ABCE1: variants seen among roughly 807,000 people sequenced by gnomAD.
ABCE1 encodes the protein ATP-binding cassette sub-family E member 1.
ABCE1 carries 22 observed loss-of-function variants against 83.4 expected under a neutral mutation model. The ratio of observed to expected loss-of-function variants is 0.26; its 90% CI spans 0.19 to 0.38. The LOEUF is 0.38. ABCE1 is among the 10% of genes least tolerant of loss of function. The pLI is 1.00. For missense variants in ABCE1, 330 were observed against 721.9 expected (o/e 0.46, Z 6.22); for synonymous variants, 204 against 233.7 (o/e 0.87, Z 1.16).
chr4:145,107,307 G>T (rs1749335970), intron 3 of ABCE1, among the ~76,000 whole-genome samples: 1 of 152,036 alleles, frequency 6.6e-6, no homozygotes, highest in Non-Finnish European at 1.5e-5. Context: ...CCCAAAAAAG[G>T]ATAAGATCCA....
At chr4:145,101,553 G>A (rs888566617) in intron 1 of ABCE1, among the ~76,000 whole-genome samples, 6 of 152,168 alleles carry the variant, frequency 3.9e-5, no homozygotes, top group Admixed American at 3.9e-4. Flanking sequence ...ACTGTTGAGG[G>A]TTAGAGTAGA....
At chr4:145,119,817 C>A in intron 10 of ABCE1, 115 bp from the exon 11 acceptor site, 1 of 704,212 alleles carries the variant, frequency 1.4e-6, no homozygotes. Flanking sequence ...TGCAGACCAA[C>A]ATGTTAGCAA....
At chr4:145,110,471 AAT>A (rs764683421) in intron 7 of ABCE1, 27 bp downstream of exon 7, 24 of 1,595,584 alleles carry the variant, frequency 1.5e-5, no homozygotes, top group East Asian at 2.2e-5. Context: ...TGTTTGTGTG[AAT>A]ATATATTTAT....
intron 1 of ABCE1, 82 bp from the exon 2 acceptor site, chr4:145,104,304 C>T: frequency 2.0e-6 from 1 of 500,490 alleles, no homozygotes; most frequent in South Asian, 4.4e-5. Context: ...ATATAATGAT[C>T]ATTTATGTTT....
In ABCE1 at chr4:145,119,927, A is replaced by G. The variant is rs774081988; in HGVS notation, c.923-5A>G. The stretch of plus-strand genomic sequence containing the variant: ...TCTCCCGGTTGACAATTTTCTTCCC[A>G]ACAGGCATAAACATTTTTTTGGATG... On this transcript the variant is annotated splice_region_variant and splice_polypyrimidine_tract_variant and intron_variant, in intron 10 of 17. Coordinates refer to ENST00000296577, the MANE Select transcript of ABCE1 (RefSeq NM_002940.3). 1.1e-5 allele frequency: 17 copies of G among 1,608,226 alleles called. No homozygotes were observed. In the Admixed American group the frequency reaches 2.9e-4, roughly 27 times the overall value.
chr4:145,117,436 A>C (rs1180020641), intron 10 of ABCE1, 22 bp downstream of exon 10: 2 of 1,607,062 alleles, frequency 1.2e-6, no homozygotes, highest in East Asian at 4.5e-5. Flanking sequence ...AACTTTTTTC[A>C]CATATGCTGT....
At chr4:145,117,069 T>C (rs1749626846) in intron 9 of ABCE1, among the ~76,000 whole-genome samples, 1 of 151,946 alleles carries the variant, frequency 6.6e-6, no homozygotes, top group Non-Finnish European at 1.5e-5. Flanking sequence ...TGCATTTAAT[T>C]CATATATCAA....
intron 4 of ABCE1, among the ~76,000 whole-genome samples, chr4:145,108,535 G>A (rs1579211966): frequency 6.6e-6 from 1 of 152,274 alleles, no homozygotes; most frequent in African/African-American, 2.4e-5. Flanking sequence ...TTTGAATTTG[G>A]ACATGTATTA....
chr4:145,112,431 T>C, intron 9 of ABCE1, 103 bp downstream of exon 9: 1 of 840,782 alleles, frequency 1.2e-6, no homozygotes, highest in Non-Finnish European at 1.8e-6. Context: ...ACATATTTTT[T>C]ATCTTGGTTG....
At chr4:145,099,307 A>G (rs1405594284) in intron 1 of ABCE1, among the ~76,000 whole-genome samples, 19 of 152,028 alleles carry the variant, frequency 1.2e-4, no homozygotes, top group Admixed American at 1.2e-3. Flanking sequence ...TCCAAATAAC[A>G]TGTTTTATTT....
At chr4:145,107,933 T>TA in intron 3 of ABCE1, 82 bp from the exon 4 acceptor site, 1 of 1,056,948 alleles carries the variant, frequency 9.5e-7, no homozygotes, top group Non-Finnish European at 1.4e-6. Flanking sequence ...AGATTGCTTA[T>TA]AAAAATATTT....
At chr4:145,114,234 C>T (rs1749554593) in intron 9 of ABCE1, among the ~76,000 whole-genome samples, 1 of 151,994 alleles carries the variant, frequency 6.6e-6, no homozygotes, top group Non-Finnish European at 1.5e-5. Flanking sequence ...AAAATACAGT[C>T]CCAGTATTCA....
chr4:145,118,768 T>C (rs935210865), intron 10 of ABCE1, among the ~76,000 whole-genome samples: 1 of 151,882 alleles, frequency 6.6e-6, no homozygotes, highest in Admixed American at 6.6e-5. Flanking sequence ...CTTTAATATA[T>C]TGAAATCAGT....
At chr4:145,109,327 T>A (rs895502068) in intron 5 of ABCE1, 78 bp downstream of exon 5, 40 of 706,264 alleles carry the variant, frequency 5.7e-5, no homozygotes, top group Non-Finnish European at 8.9e-5. Flanking sequence ...TGTATATTTT[T>A]AAAATATTCT....
chr4:145,123,423 C>CA, intron 15 of ABCE1, 55 bp from the exon 16 acceptor site: 1 of 1,587,924 alleles, frequency 6.3e-7, no homozygotes, highest in South Asian at 1.1e-5. Context: ...CTTAATATAA[C>CA]AGTCGAATGT....
chr4:145,103,059 G>A (rs1749195517), intron 1 of ABCE1, among the ~76,000 whole-genome samples: 2 of 152,084 alleles, frequency 1.3e-5, no homozygotes, highest in East Asian at 1.9e-4. Flanking sequence ...GAATGAAAGG[G>A]AGTGATCTGG....
At chr4:145,119,495 C>A (rs1196859162) in intron 10 of ABCE1, among the ~76,000 whole-genome samples, 1 of 151,668 alleles carries the variant, frequency 6.6e-6, no homozygotes, top group African/African-American at 2.4e-5. Flanking sequence ...TAAATTATAA[C>A]CTCAAAATAT....
Position 145,110,427 on chromosome 4 carries a change from T to C in ABCE1, c.596T>C (p.Ile199Thr). ...AAAGATGAAACAAAGACACAGGCAA[T>C]TGTATGTCAGCAGCTTGGTAAGTGT... ...DRKDETKTQA[I>T]VCQQLDLTHL... The change falls in exon 7 of 18, where the codon ATT becomes ACT. Residue 199 changes from isoleucine to threonine, a missense_variant. Coordinates refer to ENST00000296577, the MANE Select transcript of ABCE1 (RefSeq NM_002940.3). 1 of 1,612,008 alleles carries C rather than the reference T, an allele frequency of 6.2e-7. No homozygotes were observed. The highest frequency in any genetic ancestry group is 1.3e-5 in the African/African-American group (1 of 74,942).
chr4:145,123,181 G>T, intron 14 of ABCE1, 34 bp from the exon 15 acceptor site: 1 of 1,585,124 alleles, frequency 6.3e-7, no homozygotes, highest in Non-Finnish European at 8.5e-7. Context: ...AATTTTGGAT[G>T]CCTTTACATG....
Sources: gnomAD v4.1 joint callset for allele counts (sites outside exome capture counted in the v4.1 genomes callset) on GRCh38, gnomAD v4.1.1 for gene constraint, MANE v1.5 for transcripts, NCBI Gene and HGNC (gene_info 2026-07-23, HGNC 2026-07-21) for gene names.